Variants in ERP44 observed in about 807,000 individuals in gnomAD.
ERP44 encodes the protein endoplasmic reticulum protein 44.
Under a neutral mutation model 53.4 loss-of-function variants are expected in ERP44, and 25 were observed. The ratio of observed to expected loss-of-function variants is 0.47; its 90% CI spans 0.34 to 0.65. ERP44 has a LOEUF of 0.65. Among genes scored for constraint, ERP44 ranks in the 30% least tolerant of loss-of-function variants. ERP44 has a pLI of 0.01. For missense variants in ERP44, 338 were observed against 493.2 expected (o/e 0.69, Z 2.98); for synonymous variants, 145 against 161.2 (o/e 0.90, Z 0.76).
chr9:99,988,444 G>A (rs1314615115), intron 10 of ERP44, among the ~76,000 whole-genome samples: 1 of 152,134 alleles, frequency 6.6e-6, no homozygotes, highest in Non-Finnish European at 1.5e-5. Context: ...TTCATAGAAG[G>A]AAATTCTTTT....
At chr9:100,054,234 A>C (rs1168985314) in intron 3 of ERP44, among the ~76,000 whole-genome samples, 1 of 152,186 alleles carries the variant, frequency 6.6e-6, no homozygotes, top group Admixed American at 6.5e-5. Flanking sequence ...ATATGTATTA[A>C]ATCAATAAAT....
chr9:100,057,466 CT>C (rs1388627398), intron 3 of ERP44, among the ~76,000 whole-genome samples: 1 of 152,154 alleles, frequency 6.6e-6, no homozygotes, highest in Non-Finnish European at 1.5e-5. Context: ...ATTATTTTTC[CT>C]TCTAAACTTG....
chr9:100,029,275 A>T lies in ERP44; in HGVS notation c.287-7049T>A, dbSNP rs540271838. On this transcript the variant is annotated intron_variant, in intron 4 of 11. Coordinates refer to ENST00000262455, the MANE Select transcript of ERP44 (RefSeq NM_015051.3). ...CCTGAGAATTAGTGGAAATATCTGT[A>T]AACTAATCATCTGATAAGGGATTAA... Among the ~76,000 whole-genome samples, 9 of 152,366 alleles carry T rather than the reference A, an allele frequency of 5.9e-5. No homozygotes were observed. The East Asian group carries it at 1.7e-3, about 29-fold the overall frequency.
At chr9:100,065,166 A>G (rs1349969156) in intron 1 of ERP44, among the ~76,000 whole-genome samples, 1 of 152,176 alleles carries the variant, frequency 6.6e-6, no homozygotes, top group African/African-American at 2.4e-5. Context: ...ATACATGTGT[A>G]TAACTTTTTA....
At chr9:100,098,366 C>A (rs1826677939) in intron 1 of ERP44, among the ~76,000 whole-genome samples, 1 of 152,142 alleles carries the variant, frequency 6.6e-6, no homozygotes, top group Non-Finnish European at 1.5e-5. Flanking sequence ...GGATCTAGAC[C>A]CAGTGAGAGT....
chr9:100,060,069 G>T, intron 2 of ERP44, 31 bp downstream of exon 2: 2 of 1,394,598 alleles, frequency 1.4e-6, no homozygotes, highest in South Asian at 3.3e-5. Context: ...AGAGAAGAAA[G>T]AGTACACTTT....
In ERP44 at chr9:99,979,939, C is replaced by A. The variant is rs1032323699; in HGVS notation, c.*2673G>T. 2.5e-6 allele frequency: 1 copy of A among 398,404 alleles called. No individual in the cohort carries two copies. Among genetic ancestry groups the A allele is most frequent in the South Asian group, 1.3e-4 (1 of 7,852 alleles). 24.7% of individuals were successfully genotyped at this position (398,404 alleles called of 1,614,324 possible). On this transcript the variant is annotated 3_prime_UTR_variant, in exon 12 of 12. Transcript: ENST00000262455. The stretch of plus-strand genomic sequence containing the variant: ...ATATACTACAAACCCCTTAGTCTGG[C>A]ACACAAGGCCCTGTGTGACCAGCTC...
At chr9:100,036,961 C>T (rs1825853093) in intron 4 of ERP44, among the ~76,000 whole-genome samples, 1 of 152,080 alleles carries the variant, frequency 6.6e-6, no homozygotes, top group African/African-American at 2.4e-5. Context: ...CACCAATTGT[C>T]CCTCCTGCAA....
At chr9:100,087,741 A>G (rs1826501484) in intron 1 of ERP44, among the ~76,000 whole-genome samples, 1 of 152,134 alleles carries the variant, frequency 6.6e-6, no homozygotes, top group South Asian at 2.1e-4. Context: ...CTATATTTCT[A>G]TGAACCAGAA....
chr9:100,097,680 G>A (rs927143758), intron 1 of ERP44, among the ~76,000 whole-genome samples: 31 of 152,230 alleles, frequency 2.0e-4, no homozygotes, highest in African/African-American at 7.2e-4. Flanking sequence ...TTTTTACAGT[G>A]CTTTTTCCGA....
rs778243866 is a variant in ERP44 at position 100,060,191 on chromosome 9, A to G, written c.58-19T>C. On this transcript the variant is annotated intron_variant, in intron 1 of 11. Transcript: ENST00000262455. Reference sequence around the variant, plus strand: ...AAGTTACCTGAAAATTTAAAAAATGAGAAATTAATAAATGTGTCCACAAAA... The same window carrying G: ...AAGTTACCTGAAAATTTAAAAAATGGGAAATTAATAAATGTGTCCACAAAA... 9 of 1,481,460 alleles carry G rather than the reference A, an allele frequency of 6.1e-6. No individual in the cohort carries two copies. Among genetic ancestry groups the G allele is most frequent in the Non-Finnish European group, 1.8e-6 (2 of 1,117,988 alleles). 91.8% of individuals were successfully genotyped at this position (1,481,460 alleles called of 1,614,324 possible).
At chr9:100,056,703 A>C (rs1826091255) in intron 3 of ERP44, among the ~76,000 whole-genome samples, 1 of 151,972 alleles carries the variant, frequency 6.6e-6, no homozygotes. Flanking sequence ...TGGGCGACAG[A>C]AGAATGATCC....
At chr9:100,040,599 T>G (rs1166343963) in intron 4 of ERP44, among the ~76,000 whole-genome samples, 1 of 152,070 alleles carries the variant, frequency 6.6e-6, no homozygotes, top group Non-Finnish European at 1.5e-5. Flanking sequence ...CCTCTAAGAT[T>G]TGGAATACAA....
chr9:100,054,491 T>C (rs1453031014), intron 3 of ERP44, among the ~76,000 whole-genome samples: 1 of 152,218 alleles, frequency 6.6e-6, no homozygotes, highest in Non-Finnish European at 1.5e-5. Context: ...TCATTAAGTA[T>C]TTAAGCATGG....
intron 4 of ERP44, among the ~76,000 whole-genome samples, chr9:100,036,726 C>T (rs1825851506): frequency 6.6e-6 from 1 of 151,986 alleles, no homozygotes; most frequent in African/African-American, 2.4e-5. Flanking sequence ...AACTAGAGGA[C>T]ATTATGTTAA....
chr9:99,998,525 C>G (rs1830340428), intron 10 of ERP44: 1 of 719,338 alleles, frequency 1.4e-6, no homozygotes, highest in Admixed American at 2.0e-5. Context: ...GCTCCCCCAT[C>G]TCTGCTAATC....
rs1168903331 is a variant in ERP44 at position 100,043,291 on chromosome 9, A to AAAAAAAAAAAG, written c.286+9125_286+9126insCTTTTTTTTTT. 7.9e-3 allele frequency among the ~76,000 whole-genome samples: 592 copies of AAAAAAAAAAAG among 74,906 alleles called. 160 individuals carry two copies. Among genetic ancestry groups the AAAAAAAAAAAG allele is most frequent in the East Asian group, 0.016 (29 of 1,780 alleles). The allele number at this position is 74,906 out of a possible 152,430, so 49.1% of individuals were successfully genotyped here. A position where few individuals can be genotyped will look rare whatever the true frequency, so the allele number is the denominator to read the frequency against. On this transcript the variant is annotated intron_variant, in intron 4 of 11. Transcript: ENST00000262455. Reference sequence around the variant, plus strand: ...AAAAAAAAAAAAAAAAAAAAAAAAAAGATAAATAAGACATAGTATTTGCTA... The same window carrying AAAAAAAAAAAG: ...AAAAAAAAAAAAAAAAAAAAAAAAAAAAAAAAAAAAGGATAAATAAGACATAGTATTTGCTA...
chr9:100,083,944 CT>C (rs1564105919), intron 1 of ERP44, among the ~76,000 whole-genome samples: 2 of 152,102 alleles, frequency 1.3e-5, no homozygotes, highest in Admixed American at 6.6e-5. Flanking sequence ...ATATTTTTCC[CT>C]TTTCCACCCC....
chr9:99,997,886 C>T (rs1444299723), intron 10 of ERP44, among the ~76,000 whole-genome samples: 3 of 151,998 alleles, frequency 2.0e-5, no homozygotes, highest in East Asian at 1.9e-4. Flanking sequence ...CAGAGGCCAC[C>T]GAGAAGCACA....
Sources: allele counts gnomAD v4.1 joint callset (sites outside exome capture counted in the v4.1 genomes callset), GRCh38; gene constraint gnomAD v4.1.1; transcripts MANE v1.5; gene names NCBI Gene and HGNC (gene_info 2026-07-23, HGNC 2026-07-21).